The following TMEM232 variants were observed in gnomAD, a reference collection of about 807,000 sequenced individuals.
TMEM232 encodes the protein transmembrane protein 232.
Under a neutral mutation model 78.8 loss-of-function variants are expected in TMEM232, and 80 were observed. That is an observed-to-expected ratio of 1.01 (90% CI 0.85 to 1.22). The LOEUF (loss-of-function observed/expected upper bound fraction) is 1.22. TMEM232 is among the 50% of genes most tolerant of loss of function. The pLI is 0.00. For synonymous variants in TMEM232, 297 were observed against 254.3 expected, an observed-to-expected ratio of 1.17 and a Z score of -1.60; for missense variants, 881 against 742.2, an observed-to-expected ratio of 1.19 and a Z score of -2.17.
chr5:110,697,079 G>A (rs537968441), intron 1 of TMEM232, among the ~76,000 whole-genome samples: 1 of 152,226 alleles, frequency 6.6e-6, no homozygotes, highest in Admixed American at 6.5e-5. Flanking sequence ...AAAACAGCAT[G>A]GTACTGGTAC....
intron 12 of TMEM232, among the ~76,000 whole-genome samples, chr5:110,437,483 G>T (rs1454769079): frequency 6.6e-6 from 1 of 151,982 alleles, no homozygotes; most frequent in African/African-American, 2.4e-5. Context: ...GTAAGGAAGG[G>T]AGAGCCAAGT....
intron 12 of TMEM232, 143 bp from the exon 13 acceptor site, chr5:110,425,059 A>G (rs751872471): frequency 1.4e-6 from 1 of 690,700 alleles, no homozygotes; most frequent in Non-Finnish European, 2.4e-6. Context: ...AGACTATGGT[A>G]TGTTAGCTTT....
rs182004714 is a variant in TMEM232, at chr5:110,656,636, G to A, written c.125+10592C>T. On this transcript the variant is annotated intron_variant, in intron 2 of 13. Transcript: ENST00000455884. ...GGGAGGATCACGAGGTCAGGAGATC[G>A]AGACCATCCTGGCTAACAAGTGAAA... 1.7e-3 allele frequency among the ~76,000 whole-genome samples: 266 copies of A among 152,106 alleles called. 1 individual carries two copies. The highest frequency in any genetic ancestry group is 2.9e-3 in the Non-Finnish European group (195 of 67,990).
At chr5:110,664,475 T>A (rs534962814) in intron 2 of TMEM232, among the ~76,000 whole-genome samples, 4 of 152,230 alleles carry the variant, frequency 2.6e-5, no homozygotes, top group Non-Finnish European at 1.5e-5. Context: ...ACAATTACTA[T>A]AGTTGAAAGC....
intron 2 of TMEM232, among the ~76,000 whole-genome samples, chr5:110,401,063 A>C (rs535561891): frequency 3.3e-5 from 5 of 152,078 alleles, no homozygotes; most frequent in Admixed American, 3.3e-4. Context: ...AAAATATCCA[A>C]TGTCTTTTGT....
At chr5:110,620,613 C>A (rs1434525930) in intron 7 of TMEM232, among the ~76,000 whole-genome samples, 24 of 138,280 alleles carry the variant, frequency 1.7e-4, no homozygotes, top group African/African-American at 6.8e-4. Context: ...CTCTCTCTCT[C>A]TCTCTCTCTC....
chr5:110,611,249 A>G (rs1021936380), intron 8 of TMEM232, among the ~76,000 whole-genome samples: 2 of 152,156 alleles, frequency 1.3e-5, no homozygotes, highest in Non-Finnish European at 2.9e-5. Flanking sequence ...GAGGGCAGTT[A>G]GTATTTCATT....
chr5:110,627,561 T>G (rs1471657909), intron 6 of TMEM232, among the ~76,000 whole-genome samples: 1 of 152,090 alleles, frequency 6.6e-6, no homozygotes, highest in Admixed American at 6.6e-5. Flanking sequence ...TAGAGTCAGA[T>G]TTTAAATGTT....
Position 110,408,272 on chromosome 5 carries a change from C to T in TMEM232, n.309-10418G>A, listed in dbSNP as rs368096466. On this transcript the variant is annotated intron_variant and non_coding_transcript_variant, in intron 2 of 8. Coordinates refer to the TMEM232 transcript ENST00000507188. ...AGGAAAATAATAATAAAGATCAGAG[C>T]AGAAATAAATGAAACTGAGACTTTA... Among the ~76,000 whole-genome samples the T allele has an allele frequency of 6.6e-5, 10 of 151,980 alleles. No homozygotes were observed. In the East Asian group the frequency reaches 1.7e-3, roughly 27 times the overall value.
At position 110,640,920 on chromosome 5, in the gene TMEM232, A is replaced by G; in HGVS notation, c.314T>C (p.Leu105Pro). Residue 105 changes from leucine (L) to proline (P), a missense_variant, in exon 4 of 14, where the codon CTG (leucine) becomes CCG (proline). Transcript: ENST00000455884. ...TTGGATTTCCCCTTTGCATTGAGCC[A>G]GATATATTACTTCAGTCCATGCAGC... ...LPAAWTEVIY[L>P]AQCKGEIQDE... 1.9e-6 allele frequency: 3 copies of G among 1,540,194 alleles called. No homozygotes were observed. Among genetic ancestry groups the G allele is most frequent in the Non-Finnish European group, 2.6e-6 (3 of 1,141,012 alleles).
intron 12 of TMEM232, among the ~76,000 whole-genome samples, chr5:110,527,902 A>T (rs1770832187): frequency 6.6e-6 from 1 of 151,812 alleles, no homozygotes; most frequent in African/African-American, 2.4e-5. Flanking sequence ...TTAAAGCTTT[A>T]CTAAGAGATC....
intron 10 of TMEM232, among the ~76,000 whole-genome samples, chr5:110,568,912 C>T (rs892981909): frequency 1.3e-5 from 2 of 151,674 alleles, no homozygotes; most frequent in African/African-American, 4.8e-5. Context: ...ACTACATACA[C>T]AAAATAAATT....
intron 1 of TMEM232, among the ~76,000 whole-genome samples, chr5:110,702,685 T>C (rs1169963087): frequency 6.6e-6 from 1 of 152,022 alleles, no homozygotes; most frequent in Non-Finnish European, 1.5e-5. Flanking sequence ...TCCCGGAAAA[T>C]GCTGATGTTA....
At chr5:110,731,958 T>C (rs577858872) in intron 2 of TMEM232, among the ~76,000 whole-genome samples, 1 of 152,346 alleles carries the variant, frequency 6.6e-6, no homozygotes, top group South Asian at 2.1e-4. Flanking sequence ...CTTTTAAAAT[T>C]GAATGCTTTT....
intron 8 of TMEM232, 140 bp from the exon 9 acceptor site, chr5:110,606,427 G>C (rs928664602): frequency 7.3e-6 from 7 of 960,654 alleles, no homozygotes; most frequent in Middle Eastern, 2.9e-4. Context: ...ATAAAGATTA[G>C]TATTGCTTCT....
intron 3 of TMEM232, among the ~76,000 whole-genome samples, chr5:110,641,559 A>C (rs148012322): frequency 6.6e-6 from 1 of 152,142 alleles, no homozygotes; most frequent in Admixed American, 6.6e-5. Context: ...ACTTATCAAA[A>C]GTATACTCTT....
At position 110,522,139 on chromosome 5, in the gene TMEM232, CTTAT is replaced by C. The variant is rs1048373322; in HGVS notation, c.1703+6445_1703+6448del. ...TTTCAATCTAGAAGTCTTTTACATC[CTTAT>C]TTAAGTTTATTTCCAAGTATTTTAT... On this transcript the variant is annotated intron_variant, in intron 12 of 13. Coordinates refer to ENST00000455884, the MANE Select transcript of TMEM232 (RefSeq NM_001039763.4). Among the ~76,000 whole-genome samples, 6 of 152,046 alleles carry C rather than the reference CTTAT, an allele frequency of 3.9e-5. No homozygotes were observed. In the East Asian group the frequency reaches 5.8e-4, roughly 15 times the overall value.
intron 12 of TMEM232, among the ~76,000 whole-genome samples, chr5:110,497,486 A>G (rs1255743087): frequency 6.6e-6 from 1 of 152,100 alleles, no homozygotes; most frequent in African/African-American, 2.4e-5. Flanking sequence ...CAAACAAACA[A>G]ATAAAGACAG....
chr5:110,442,303 C>A (rs532046573), intron 12 of TMEM232, among the ~76,000 whole-genome samples: 3 of 151,908 alleles, frequency 2.0e-5, no homozygotes, highest in African/African-American at 7.2e-5. Flanking sequence ...GATACTCATT[C>A]CCTTTTATTC....
Sources: gnomAD v4.1 joint callset for allele counts (sites outside exome capture counted in the v4.1 genomes callset) on GRCh38, gnomAD v4.1.1 for gene constraint, MANE v1.5 for transcripts, NCBI Gene and HGNC (gene_info 2026-07-23, HGNC 2026-07-21) for gene names.